The following SH2D4A variants were observed in gnomAD, a reference collection of about 807,000 sequenced individuals.
SH2D4A encodes the protein SH2 domain containing 4A.
A neutral mutation model predicts 64.7 loss-of-function variants in SH2D4A; 70 were observed. The ratio of observed to expected loss-of-function variants is 1.08; its 90% CI spans 0.89 to 1.32. The LOEUF (loss-of-function observed/expected upper bound fraction) is 1.32. SH2D4A is among the 40% of genes most tolerant of loss of function. The probability of loss-of-function intolerance (pLI) is 0.00; values close to 1 mark genes in which losing one functional copy is unlikely to be tolerated. For synonymous variants in SH2D4A, 268 were observed against 200.7 expected, an observed-to-expected ratio of 1.34 and a Z score of -2.83; for missense variants, 706 against 540.1, an observed-to-expected ratio of 1.31 and a Z score of -3.04.
At position 19,387,004 on chromosome 8, in the gene SH2D4A, T is replaced by C. The variant is rs139101215; in HGVS notation, c.1049-6314T>C. On this transcript the variant is annotated intron_variant, in intron 8 of 9. Transcript: ENST00000265807. ...TTGCCAAGCTGGAAATGCAGGTGTA[T>C]ACCACCACACCCAGCTAATAGTTTT... Among the ~76,000 whole-genome samples the C allele has an allele frequency of 7.9e-4, 90 of 114,078 alleles. 1 individual carries two copies. The highest frequency in any genetic ancestry group is 5.8e-3 in the Middle Eastern group (1 of 172). 74.8% of individuals were successfully genotyped at this position (114,078 alleles called of 152,430 possible).
chr8:19,366,912 C>T (rs1338327168), intron 7 of SH2D4A, among the ~76,000 whole-genome samples: 1 of 152,196 alleles, frequency 6.6e-6, no homozygotes, highest in Non-Finnish European at 1.5e-5. Context: ...CATTTTGTTG[C>T]AAATGACAGG....
At position 19,382,823 on chromosome 8, in the gene SH2D4A, C is replaced by CTTTTTTTTTT. The variant is rs1159245319; in HGVS notation, c.1048+9179_1048+9188dup. ...TTTCTCTCTTGCTGCTTTTAAGATT[C>CTTTTTTTTTT]TTTTTTTTTTTTTTTTTTTTTTTTT... On this transcript the variant is annotated intron_variant, in intron 8 of 9. Transcript: ENST00000265807. 1.4e-3 allele frequency among the ~76,000 whole-genome samples: 91 copies of CTTTTTTTTTT among 64,628 alleles called. 3 individuals are homozygous for CTTTTTTTTTT. Among genetic ancestry groups the CTTTTTTTTTT allele is most frequent in the Non-Finnish European group, 2.2e-3 (77 of 34,650 alleles). The allele number at this position is 64,628 out of a possible 152,430, so 42.4% of individuals were successfully genotyped here. A position where few individuals can be genotyped will look rare whatever the true frequency, so the allele number is the denominator to read the frequency against.
intron 1 of SH2D4A, 70 bp from the exon 2 acceptor site, chr8:19,319,274 T>C: frequency 1.8e-6 from 2 of 1,098,498 alleles, no homozygotes; most frequent in African/African-American, 3.2e-5. Flanking sequence ...GCTTTTTTTT[T>C]TAAACCCGTC....
chr8:19,314,476 C>CG (rs2052052463), intron 1 of SH2D4A, among the ~76,000 whole-genome samples: 1 of 152,088 alleles, frequency 6.6e-6, no homozygotes, highest in Non-Finnish European at 1.5e-5. Flanking sequence ...AGACCCAGAC[C>CG]GGGTGCCCAG....
Position 19,334,727 on chromosome 8 carries a change from A to G in SH2D4A, c.383A>G (p.Lys128Arg). The change falls in exon 4 of 10, where the codon AAA becomes AGA. Residue 128 changes from lysine (K) to arginine (R), a missense_variant. Transcript: ENST00000265807. ...SEEFTNSLKT[K>R]SQYHDLQAPD... is the part of the protein sequence containing the mutation. ...GAATTCACCAATAGCTTGAAAACAA[A>G]ATCACAGTACCATGATCTGCAGGCT... 1 of 1,610,068 alleles carries G rather than the reference A, an allele frequency of 6.2e-7. No homozygotes were observed. Among genetic ancestry groups the G allele is most frequent in the Non-Finnish European group, 8.5e-7 (1 of 1,179,048 alleles).
intron 8 of SH2D4A, among the ~76,000 whole-genome samples, chr8:19,382,236 A>T (rs10105089): frequency 6.6e-6 from 1 of 151,952 alleles, no homozygotes; most frequent in Non-Finnish European, 1.5e-5. Context: ...CTTAATTTGC[A>T]TCTCACTTTT....
At chr8:19,359,324 TCAAC>T (rs2052842622) in intron 5 of SH2D4A, among the ~76,000 whole-genome samples, 4 of 152,324 alleles carry the variant, frequency 2.6e-5, no homozygotes, top group African/African-American at 9.6e-5. Context: ...TTGAGTAACA[TCAAC>T]CAAGTACTAC....
chr8:19,333,148 G>A (rs2052391148), intron 3 of SH2D4A, 34 bp downstream of exon 3: 1 of 1,575,482 alleles, frequency 6.3e-7, no homozygotes, highest in South Asian at 1.2e-5. Flanking sequence ...GAGACTTAAA[G>A]ACTCTCCAGA....
intron 1 of SH2D4A, among the ~76,000 whole-genome samples, chr8:19,315,110 T>C (rs2052064786): frequency 6.6e-6 from 1 of 152,116 alleles, no homozygotes; most frequent in Admixed American, 6.5e-5. Context: ...TTTGGCCATG[T>C]AAAACACAAT....
At chr8:19,376,827 A>G (rs2053203964) in intron 8 of SH2D4A, among the ~76,000 whole-genome samples, 4 of 152,108 alleles carry the variant, frequency 2.6e-5, no homozygotes. Flanking sequence ...TTGTCTCCTT[A>G]ATGAAGCTAG....
intron 8 of SH2D4A, among the ~76,000 whole-genome samples, chr8:19,381,364 G>A (rs1410468954): frequency 6.6e-6 from 1 of 152,076 alleles, no homozygotes; most frequent in Non-Finnish European, 1.5e-5. Flanking sequence ...GTGTTTTATA[G>A]TTTTTATTGT....
intron 2 of SH2D4A, among the ~76,000 whole-genome samples, chr8:19,321,452 G>C (rs1326351562): frequency 2.0e-5 from 3 of 152,128 alleles, no homozygotes; most frequent in Non-Finnish European, 2.9e-5. Context: ...GACCTCAAAC[G>C]ATCTGCCCAC....
chr8:19,341,113 C>T (rs2052522577), intron 4 of SH2D4A, among the ~76,000 whole-genome samples: 1 of 152,312 alleles, frequency 6.6e-6, no homozygotes, highest in South Asian at 2.1e-4. Context: ...CTCATCGTAA[C>T]TATGACATAT....
chr8:19,334,566 G>A, intron 3 of SH2D4A, 120 bp from the exon 4 acceptor site: 1 of 1,057,542 alleles, frequency 9.5e-7, no homozygotes, highest in Non-Finnish European at 1.3e-6. Flanking sequence ...CATGTTAGAA[G>A]CACTCAGTAA....
At chr8:19,321,353 A>G (rs1211373914) in intron 2 of SH2D4A, among the ~76,000 whole-genome samples, 1 of 152,180 alleles carries the variant, frequency 6.6e-6, no homozygotes, top group African/African-American at 2.4e-5. Context: ...AGCTGGGATT[A>G]CAGGCATGTG....
chr8:19,335,033 C>T (rs1028341559), intron 4 of SH2D4A, among the ~76,000 whole-genome samples, 176 bp downstream of exon 4: 1 of 152,018 alleles, frequency 6.6e-6, no homozygotes, highest in Non-Finnish European at 1.5e-5. Flanking sequence ...CCTGTAATCC[C>T]AGCACTTTGG....
chr8:19,372,623 T>G (rs917580477), intron 7 of SH2D4A, among the ~76,000 whole-genome samples: 9 of 152,236 alleles, frequency 5.9e-5, no homozygotes, highest in East Asian at 1.9e-4. Flanking sequence ...TGCAGTGGTG[T>G]TGTTGTGTTT....
chr8:19,388,841 G>A (rs1706138114), intron 8 of SH2D4A, among the ~76,000 whole-genome samples: 2 of 152,210 alleles, frequency 1.3e-5, no homozygotes, highest in South Asian at 2.1e-4. Context: ...CAGGTGCTGA[G>A]TGTGTAAAAA....
At chr8:19,381,948 G>A (rs369948969) in intron 8 of SH2D4A, among the ~76,000 whole-genome samples, 4 of 151,784 alleles carry the variant, frequency 2.6e-5, no homozygotes, top group South Asian at 4.2e-4. Context: ...TACATTGATC[G>A]ATTTTCATAT....
Sources: allele counts gnomAD v4.1 joint callset (sites outside exome capture counted in the v4.1 genomes callset), GRCh38; gene constraint gnomAD v4.1.1; transcripts MANE v1.5; gene names NCBI Gene and HGNC (gene_info 2026-07-23, HGNC 2026-07-21).